Variants in BRINP1 observed in about 807,000 individuals in gnomAD.
The protein encoded by BRINP1 is BMP/retinoic acid-inducible neural-specific protein 1.
Under a neutral mutation model 72.9 loss-of-function variants are expected in BRINP1, and 17 were observed. The ratio of observed to expected loss-of-function variants is 0.23; its 90% CI spans 0.16 to 0.35. The LOEUF is 0.35. BRINP1 is among the 10% of genes least tolerant of loss of function. BRINP1 has a pLI of 1.00. For missense variants in BRINP1, 850 were observed against 1,001.6 expected (o/e 0.85, Z 2.04); for synonymous variants, 418 against 378.5 (o/e 1.10, Z -1.21).
chr9:119,277,764 A>C (rs1830671133), intron 2 of BRINP1, among the ~76,000 whole-genome samples: 1 of 152,176 alleles, frequency 6.6e-6, no homozygotes, highest in African/African-American at 2.4e-5. Flanking sequence ...GGACTCCTTG[A>C]GATGTAAACA....
chr9:119,332,807 G>A lies in BRINP1; in HGVS notation c.-50-19402C>T, dbSNP rs1186420341. Among the ~76,000 whole-genome samples the A allele has an allele frequency of 2.0e-5, 3 of 152,302 alleles. No individual in the cohort carries two copies. The East Asian group carries it at 5.8e-4, about 29-fold the overall frequency. ...TGGGTTAGGTCAGCTGGCCCTAGCT[G>A]CCCCACTGATGCATGAGCTTCAAGT... On this transcript the variant is annotated intron_variant, in intron 1 of 7. Transcript: ENST00000265922.
At chr9:119,355,532 T>G (rs1037645865) in intron 1 of BRINP1, among the ~76,000 whole-genome samples, 2 of 151,978 alleles carry the variant, frequency 1.3e-5, no homozygotes, top group Non-Finnish European at 2.9e-5. Flanking sequence ...ATTGAGACCA[T>G]CCTGGCTAAC....
rs867397718 is a variant in BRINP1 at position 119,167,630 on chromosome 9, C to T, written c.1740G>A (p.Gly580=). Residue 580 remains glycine, a synonymous_variant, in exon 8 of 8, where the codon GGG becomes GGA. Transcript: ENST00000265922. The surrounding 1 kb of genome is among the most constrained non-coding windows in gnomAD (Gnocchi z 4.3). ...TCTCCCAGCGTGGGTAGCCAAATTC[C>T]CCGAAGGGCATGTTCCAGCCCTCCG... ...SHSEGWNMPF[G]EFGYPRWEKI... is the part of the protein sequence containing the mutation. 6.2e-7 allele frequency: 1 copy of T among 1,614,080 alleles called. No individual in the cohort carries two copies. Among genetic ancestry groups the T allele is most frequent in the South Asian group, 1.1e-5 (1 of 91,088 alleles).
intron 1 of BRINP1, among the ~76,000 whole-genome samples, chr9:119,340,236 CA>C (rs1215496513): frequency 3.3e-5 from 5 of 152,112 alleles, no homozygotes; most frequent in Non-Finnish European, 5.9e-5. Context: ...AAAAATGGAA[CA>C]AAGAATAGTT....
At chr9:119,317,740 C>T (rs532776391) in intron 1 of BRINP1, among the ~76,000 whole-genome samples, 1 of 152,210 alleles carries the variant, frequency 6.6e-6, no homozygotes, top group Non-Finnish European at 1.5e-5. Flanking sequence ...ATTGCCACTG[C>T]CACCCAGTCT....
At chr9:119,170,962 A>AAAAG (rs1336599886) in intron 7 of BRINP1, among the ~76,000 whole-genome samples, 1 of 143,890 alleles carries the variant, frequency 6.9e-6, no homozygotes, top group African/African-American at 2.8e-5. Context: ...GGCCTGCCCT[A>AAAAG]AAAGAGCTCC....
In BRINP1 at chr9:119,324,383, C is replaced by T. The variant is rs555033289; in HGVS notation, c.-50-10978G>A. ...TATTGTGATAACTTGGTGTTTTTAT[C>T]GGTGCCTAGTGATATGGAGTTTAGG... On this transcript the variant is annotated intron_variant, in intron 1 of 7. Transcript: ENST00000265922. 3.3e-5 allele frequency among the ~76,000 whole-genome samples: 5 copies of T among 152,178 alleles called. No individual in the cohort carries two copies. In the East Asian group the frequency reaches 5.8e-4, roughly 18 times the overall value.
intron 1 of BRINP1, among the ~76,000 whole-genome samples, chr9:119,339,207 C>T (rs1258006373): frequency 6.6e-6 from 1 of 152,172 alleles, no homozygotes; most frequent in Non-Finnish European, 1.5e-5. Context: ...TCACTGTAGC[C>T]AGAAAGTAGC....
intron 5 of BRINP1, among the ~76,000 whole-genome samples, chr9:119,223,108 TCTCA>T (rs1011525830): frequency 6.6e-6 from 1 of 152,092 alleles, no homozygotes; most frequent in African/African-American, 2.4e-5. Context: ...TGCCTTCAGC[TCTCA>T]CTAACTGTTT....
At chr9:119,341,721 G>A (rs1462573409) in intron 1 of BRINP1, among the ~76,000 whole-genome samples, 3 of 152,128 alleles carry the variant, frequency 2.0e-5, no homozygotes, top group Admixed American at 2.0e-4. Context: ...CTTATGATAG[G>A]TTTATTGGTA....
intron 2 of BRINP1, among the ~76,000 whole-genome samples, chr9:119,310,321 A>T (rs1172590097): frequency 9.2e-5 from 14 of 152,218 alleles, no homozygotes. Context: ...TTCAGGTGGC[A>T]ACTCAAGTTT....
chr9:119,319,308 T>C (rs1831160527), intron 1 of BRINP1, among the ~76,000 whole-genome samples: 1 of 152,174 alleles, frequency 6.6e-6, no homozygotes, highest in Non-Finnish European at 1.5e-5. Flanking sequence ...TGTAATACCA[T>C]CTACATTTCC....
intron 2 of BRINP1, among the ~76,000 whole-genome samples, chr9:119,260,693 C>T (rs1830486899): frequency 6.6e-6 from 1 of 152,132 alleles, no homozygotes; most frequent in Admixed American, 6.5e-5. Context: ...TTTAAATCTA[C>T]GCTGGAAGAA....
intron 4 of BRINP1, among the ~76,000 whole-genome samples, chr9:119,240,250 C>G (rs1427914822): frequency 1.3e-5 from 2 of 152,160 alleles, no homozygotes; most frequent in South Asian, 2.1e-4. Flanking sequence ...GCCTGGGTAA[C>G]AGAGCGAGTC....
At chr9:119,212,644 G>T (rs868387794) in intron 6 of BRINP1, among the ~76,000 whole-genome samples, 3 of 152,166 alleles carry the variant, frequency 2.0e-5, no homozygotes, top group Admixed American at 1.3e-4. Flanking sequence ...TATTATAACA[G>T]ATTTAAGAAA....
At chr9:119,273,430 G>T (rs578258593) in intron 2 of BRINP1, among the ~76,000 whole-genome samples, 2 of 152,246 alleles carry the variant, frequency 1.3e-5, no homozygotes, top group East Asian at 3.9e-4. Flanking sequence ...GGGTTTCAGG[G>T]GTTGTGAGGA....
At chr9:119,264,301 G>T (rs959031483) in intron 2 of BRINP1, among the ~76,000 whole-genome samples, 1 of 152,140 alleles carries the variant, frequency 6.6e-6, no homozygotes, top group African/African-American at 2.4e-5. Flanking sequence ...AAGGTTCTTC[G>T]CCAAGACACA....
At chr9:119,338,321 T>C (rs1340666204) in intron 1 of BRINP1, among the ~76,000 whole-genome samples, 6 of 150,484 alleles carry the variant, frequency 4.0e-5, no homozygotes, top group African/African-American at 9.8e-5. Context: ...TCATTGACCA[T>C]GCATCATGCA....
At chr9:119,225,773 G>A (rs536627140) in intron 5 of BRINP1, among the ~76,000 whole-genome samples, 70 of 151,850 alleles carry the variant, frequency 4.6e-4, no homozygotes, top group East Asian at 2.1e-3. Flanking sequence ...TTGTTTTGGG[G>A]GTTGTGTAAA....
Sources: allele counts gnomAD v4.1 joint callset (sites outside exome capture counted in the v4.1 genomes callset), GRCh38; gene constraint gnomAD v4.1.1; non-coding constraint Gnocchi (gnomAD v3.1); transcripts MANE v1.5; gene names NCBI Gene and HGNC (gene_info 2026-07-23, HGNC 2026-07-21).